Variants in NR6A1 observed in about 807,000 individuals in gnomAD.
NR6A1 encodes retinoic acid receptor-related testis-associated receptor.
NR6A1 carries 7 observed loss-of-function variants against 59.1 expected under a neutral mutation model. That is an observed-to-expected ratio of 0.12 (90% CI 0.07 to 0.22). NR6A1 has a LOEUF of 0.22. Among genes scored for constraint, NR6A1 ranks in the 10% least tolerant of loss-of-function variants. The probability of loss-of-function intolerance (pLI) is 1.00; values close to 1 mark genes in which losing one functional copy is unlikely to be tolerated. For missense variants in NR6A1, 468 were observed against 611.6 expected (o/e 0.77, Z 2.48); for synonymous variants, 243 against 236.1 (o/e 1.03, Z -0.27).
At chr9:124,695,710 G>A (rs758902255) in intron 2 of NR6A1, among the ~76,000 whole-genome samples, 9 of 152,152 alleles carry the variant, frequency 5.9e-5, no homozygotes, top group Non-Finnish European at 1.0e-4. Flanking sequence ...GAGACTGGTA[G>A]ACACACAGAA....
chr9:124,570,725 A>C (rs1834414565), intron 2 of NR6A1, among the ~76,000 whole-genome samples: 1 of 67,280 alleles, frequency 1.5e-5, no homozygotes, highest in Admixed American at 2.4e-4. Context: ...TTCCTTGTTT[A>C]CTTGGTGGGG....
intron 2 of NR6A1, among the ~76,000 whole-genome samples, chr9:124,638,488 C>A (rs191534864): frequency 2.9e-4 from 44 of 152,198 alleles, no homozygotes; most frequent in Admixed American, 9.2e-4. Context: ...AGACAGAGTT[C>A]CCAAAGCAAA....
chr9:124,652,313 T>G (rs1412843252), intron 2 of NR6A1, among the ~76,000 whole-genome samples: 1 of 152,186 alleles, frequency 6.6e-6, no homozygotes, highest in Non-Finnish European at 1.5e-5. Context: ...AACCCAGCTC[T>G]AAGGAGAAGG....
At chr9:124,756,944 T>TGCTA (rs1192052089) in intron 1 of NR6A1, among the ~76,000 whole-genome samples, 3 of 149,002 alleles carry the variant, frequency 2.0e-5, no homozygotes, top group African/African-American at 7.5e-5. Flanking sequence ...AGACTGGAGA[T>TGCTA]GCTAGGATGA....
At chr9:124,562,676 G>T (rs1382724847) in intron 2 of NR6A1, among the ~76,000 whole-genome samples, 1 of 152,112 alleles carries the variant, frequency 6.6e-6, no homozygotes, top group Non-Finnish European at 1.5e-5. Flanking sequence ...TTAAACTCCT[G>T]CTGATAAATA....
At chr9:124,701,726 A>AT (rs1047537587) in intron 2 of NR6A1, among the ~76,000 whole-genome samples, 6 of 151,346 alleles carry the variant, frequency 4.0e-5, no homozygotes, top group African/African-American at 9.7e-5. Flanking sequence ...CCTTTATCAG[A>AT]TTTTTTTTTC....
chr9:124,740,864 C>A (rs1217739333), intron 1 of NR6A1, among the ~76,000 whole-genome samples: 4 of 152,120 alleles, frequency 2.6e-5, no homozygotes, highest in Non-Finnish European at 1.5e-5. Flanking sequence ...CCAAAGATAA[C>A]CCCAGCCCTG....
At chr9:124,696,651 T>C (rs1838774825) in intron 2 of NR6A1, among the ~76,000 whole-genome samples, 1 of 149,724 alleles carries the variant, frequency 6.7e-6, no homozygotes, top group Non-Finnish European at 1.5e-5. Flanking sequence ...GCCTCCAAAG[T>C]AGCTGGAACA....
In NR6A1 at chr9:124,524,742, G is replaced by A. The variant is rs888398509; in HGVS notation, c.1333C>T (p.Pro445Ser). 5 of 1,613,628 alleles carry A rather than the reference G, an allele frequency of 3.1e-6. No individual in the cohort carries two copies. In the African/African-American group the frequency reaches 6.7e-5, roughly 22 times the overall value. The change falls in exon 9 of 10, where the codon CCT becomes TCT. Residue 445 changes from proline (P) to serine (S), a missense_variant. Pro to Ser is a moderately conservative substitution (Grantham distance 74). This residue lies in a region of NR6A1 where 176 missense variants were observed against 264.0 expected (regional missense o/e 0.67). Transcript: ENST00000487099. The stretch of plus-strand genomic sequence containing the variant: ...TTACCTGCAATATATCGAATCTCAG[G>A]TAAGCACATCATGAGATCAGGAAAG... The part of the protein sequence containing the change: ...NRFPDLMMCL[P>S]EIRYIAGKMV...
At chr9:124,766,620 A>G (rs1180965094) in intron 1 of NR6A1, among the ~76,000 whole-genome samples, 4 of 152,242 alleles carry the variant, frequency 2.6e-5, no homozygotes, top group Non-Finnish European at 4.4e-5. Context: ...TCTAAAACAC[A>G]TCTTCTCAAG....
intron 2 of NR6A1, among the ~76,000 whole-genome samples, chr9:124,633,639 T>C (rs1239892359): frequency 6.6e-6 from 1 of 152,140 alleles, no homozygotes; most frequent in African/African-American, 2.4e-5. Context: ...CTCAATGACA[T>C]CCAATTCTAA....
In NR6A1 at chr9:124,750,804, G is replaced by A. The variant is rs554293691; in HGVS notation, c.101-17455C>T. ...TAAATAAAAATCATGACCAGTTAAGGAAAAAAAAAGTCAAGATTTTTAAAC... is the reference window on the plus strand; with the variant it reads ...TAAATAAAAATCATGACCAGTTAAGAAAAAAAAAAGTCAAGATTTTTAAAC... On this transcript the variant is annotated intron_variant, in intron 1 of 9. Coordinates refer to ENST00000487099, the MANE Select transcript of NR6A1 (RefSeq NM_033334.4). 6.6e-5 allele frequency among the ~76,000 whole-genome samples: 10 copies of A among 150,386 alleles called. No individual in the cohort carries two copies. The East Asian group carries it at 1.9e-3, about 29-fold the overall frequency.
At chr9:124,674,436 T>C (rs565979503) in intron 2 of NR6A1, among the ~76,000 whole-genome samples, 2 of 152,322 alleles carry the variant, frequency 1.3e-5, no homozygotes, top group East Asian at 3.9e-4. Context: ...GGGCAATTTA[T>C]TTCCCTTACT....
chr9:124,740,845 G>A (rs1840154712), intron 1 of NR6A1, among the ~76,000 whole-genome samples: 9 of 152,042 alleles, frequency 5.9e-5, no homozygotes, highest in Admixed American at 5.9e-4. Context: ...GTCAAATCTA[G>A]TCTCAACCCC....
At chr9:124,662,585 C>T (rs755434214) in intron 2 of NR6A1, among the ~76,000 whole-genome samples, 29 of 152,256 alleles carry the variant, frequency 1.9e-4, no homozygotes, top group Admixed American at 1.6e-3. Context: ...CACAATGTGA[C>T]TCCTTGTAGA....
intron 2 of NR6A1, among the ~76,000 whole-genome samples, chr9:124,559,544 G>A (rs938350357): frequency 1.8e-4 from 28 of 152,202 alleles, no homozygotes; most frequent in African/African-American, 6.3e-4. Flanking sequence ...GGGAGGCCAA[G>A]GAGGGTAGAT....
intron 2 of NR6A1, among the ~76,000 whole-genome samples, chr9:124,607,931 C>T (rs1835619263): frequency 6.6e-6 from 1 of 151,922 alleles, no homozygotes. Context: ...AGCCAGTCAG[C>T]CATGGTGGCA....
intron 2 of NR6A1, among the ~76,000 whole-genome samples, chr9:124,726,362 TG>T (rs1839718452): frequency 6.6e-6 from 1 of 152,242 alleles, no homozygotes; most frequent in South Asian, 2.1e-4. Context: ...ATATTTCTCA[TG>T]TAATGTATTT....
At chr9:124,698,668 G>C (rs1446717237) in intron 2 of NR6A1, 1 of 152,030 alleles carries the variant, frequency 6.6e-6, no homozygotes, top group Non-Finnish European at 1.5e-5. Flanking sequence ...GAATTTTCTT[G>C]TAATTTCTAG....
Sources: allele counts gnomAD v4.1 joint callset (sites outside exome capture counted in the v4.1 genomes callset), GRCh38; gene constraint gnomAD v4.1.1; regional missense constraint gnomAD v4.1.1; transcripts MANE v1.5; gene names NCBI Gene and HGNC (gene_info 2026-07-23, HGNC 2026-07-21).